Variants in RPA1 observed in about 807,000 individuals in gnomAD.
RPA1 encodes replication protein A 70 kDa DNA-binding subunit.
RPA1 carries 49 observed loss-of-function variants against 83.0 expected under a neutral mutation model. The observed-to-expected ratio is 0.59, with a 90% CI of 0.47 to 0.75. RPA1 has a LOEUF of 0.75. Among genes scored for constraint, RPA1 ranks in the 30% least tolerant of loss-of-function variants. The pLI, the probability that RPA1 is intolerant of heterozygous loss-of-function variation, is 0.00. For synonymous variants in RPA1, 279 were observed against 281.8 expected (o/e 0.99, Z 0.10); for missense variants, 693 against 776.1 (o/e 0.89, Z 1.27).
chr17:1,832,794 G>A (rs2151264604), intron 1 of RPA1, among the ~76,000 whole-genome samples: 1 of 152,344 alleles, frequency 6.6e-6, no homozygotes, highest in South Asian at 2.1e-4. Context: ...AGGATGGAGT[G>A]AGTTATTAAA....
intron 4 of RPA1, among the ~76,000 whole-genome samples, chr17:1,846,311 C>CTTTTTTT (rs71150823): frequency 6.1e-4 from 46 of 75,782 alleles, no homozygotes; most frequent in Non-Finnish European, 8.0e-4. Flanking sequence ...GGAAGCTTTG[C>CTTTTTTT]TTTTTTTTTT....
chr17:1,886,818 A>G (rs539944619), intron 13 of RPA1, among the ~76,000 whole-genome samples: 1 of 150,738 alleles, frequency 6.6e-6, no homozygotes, highest in East Asian at 2.0e-4. Context: ...ACAGGTGCAC[A>G]CCACCGTGCC....
chr17:1,860,895 G>C (rs1439143780), intron 5 of RPA1, among the ~76,000 whole-genome samples: 1 of 152,170 alleles, frequency 6.6e-6, no homozygotes, highest in Non-Finnish European at 1.5e-5. Context: ...ATCTTTTGGT[G>C]TGTTGCTTTT....
At chr17:1,895,355 T>TTA (rs1199775982) in intron 16 of RPA1, among the ~76,000 whole-genome samples, 6 of 151,492 alleles carry the variant, frequency 4.0e-5, no homozygotes, top group Non-Finnish European at 7.4e-5. Context: ...TTTATTTTTA[T>TTA]TTTTTTTCAG....
intron 2 of RPA1, among the ~76,000 whole-genome samples, chr17:1,843,481 G>T (rs1912133761): frequency 6.6e-6 from 1 of 151,722 alleles, no homozygotes; most frequent in Non-Finnish European, 1.5e-5. Flanking sequence ...CATCACTTAC[G>T]TCTCTCTGCC....
In RPA1 at chr17:1,884,291, C is replaced by G. The variant is rs766311504; in HGVS notation, c.1374+347C>G. Among the ~76,000 whole-genome samples, 1 of 151,930 alleles carries G rather than the reference C, an allele frequency of 6.6e-6. No homozygotes were observed. Among genetic ancestry groups the G allele is most frequent in the African/African-American group, 2.4e-5 (1 of 41,292 alleles). ...CTGTGATCCTTCCTGCAAATTTAAG[C>G]GCCCACATATCAAAAAGATGTTTTT... On this transcript the variant is annotated intron_variant, in intron 13 of 16. Transcript: ENST00000254719. This position sits in a 1 kb window ranked among gnomAD's most constrained non-coding sequence, Gnocchi z 4.1.
chr17:1,845,299 A>G (rs577832398), intron 4 of RPA1, among the ~76,000 whole-genome samples: 1 of 151,274 alleles, frequency 6.6e-6, no homozygotes, highest in East Asian at 2.0e-4. Flanking sequence ...TTGTGGTGCT[A>G]AGGTGGGAGG....
chr17:1,861,656 G>C (rs1402010203), intron 5 of RPA1, among the ~76,000 whole-genome samples: 2 of 151,380 alleles, frequency 1.3e-5, no homozygotes. Flanking sequence ...GCTGCTCTTC[G>C]TTAATTTTTT....
rs17339242 is a variant in RPA1, at chr17:1,894,474, C to G, written c.1660-535C>G. Among the ~76,000 whole-genome samples, 1,118 of 152,274 alleles carry G rather than the reference C, an allele frequency of 7.3e-3. 13 individuals carry two copies. Among genetic ancestry groups the G allele is most frequent in the African/African-American group, 0.025 (1,020 of 41,558 alleles). On this transcript the variant is annotated intron_variant, in intron 15 of 16. Coordinates refer to ENST00000254719, the MANE Select transcript of RPA1 (RefSeq NM_002945.5). The stretch of plus-strand genomic sequence containing the variant: ...GAGCCACCGTGCCCAGCCTTAAAGT[C>G]TTAGAAACTTCCTAAGAGCGTTTTT...
Position 1,877,266 on chromosome 17 carries a change from C to T in RPA1, c.642C>T (p.Asn214=). ...TNKSQIRTWS[N]SRGEGKLFSL... ...AAAGTCAGATCCGTACCTGGAGCAACTCCCGAGGGGAAGGGAAGCTTTTCT... is the reference window on the plus strand; with the variant it reads ...AAAGTCAGATCCGTACCTGGAGCAATTCCCGAGGGGAAGGGAAGCTTTTCT... The change falls in exon 8 of 17, where the codon AAC becomes AAT. Residue 214 remains asparagine, a synonymous_variant. Coordinates refer to ENST00000254719, the MANE Select transcript of RPA1 (RefSeq NM_002945.5). 6.2e-7 allele frequency: 1 copy of T among 1,614,212 alleles called. No individual in the cohort carries two copies. Among genetic ancestry groups the T allele is most frequent in the Non-Finnish European group, 8.5e-7 (1 of 1,180,044 alleles).
rs1301917367 is a variant in RPA1 at position 1,899,844 on chromosome 17, C to G, written c.*2669C>G. ...GTTTGGTCTCCTTTTCTTCTTTTCA[C>G]CTGTTAGAAGGCCACTATTCCCCTA... On this transcript the variant is annotated 3_prime_UTR_variant, in exon 17 of 17. Coordinates refer to ENST00000254719, the MANE Select transcript of RPA1 (RefSeq NM_002945.5). 6.6e-6 allele frequency: 1 copy of G among 152,120 alleles called. No individual in the cohort carries two copies. Among genetic ancestry groups the G allele is most frequent in the African/African-American group, 2.4e-5 (1 of 41,412 alleles). 9.4% of individuals were successfully genotyped at this position (152,120 alleles called of 1,614,324 possible). A position where few individuals can be genotyped will look rare whatever the true frequency, so the allele number is the denominator to read the frequency against.
chr17:1,869,056 A>G (rs187021366), intron 5 of RPA1, among the ~76,000 whole-genome samples: 2 of 152,276 alleles, frequency 1.3e-5, no homozygotes, highest in Admixed American at 1.3e-4. Context: ...TATTGGATTG[A>G]CTCTTCTACA....
At chr17:1,832,291 C>T (rs1176321976) in intron 1 of RPA1, among the ~76,000 whole-genome samples, 1 of 152,078 alleles carries the variant, frequency 6.6e-6, no homozygotes, top group Non-Finnish European at 1.5e-5. Flanking sequence ...CCCACACTGG[C>T]AAACACTATC....
chr17:1,894,135 T>C (rs1914303502), intron 15 of RPA1, among the ~76,000 whole-genome samples: 1 of 150,704 alleles, frequency 6.6e-6, no homozygotes, highest in African/African-American at 2.4e-5. Context: ...TCCCAAAACA[T>C]TGGGATTATA....
At chr17:1,882,134 C>T (rs1270027096) in intron 12 of RPA1, among the ~76,000 whole-genome samples, 4 of 152,156 alleles carry the variant, frequency 2.6e-5, no homozygotes, top group Admixed American at 1.3e-4. Context: ...TGGTATTTGG[C>T]CTTTCATCTC....
At chr17:1,853,064 G>A in intron 4 of RPA1, 37 bp from the exon 5 acceptor site, 1 of 1,547,310 alleles carries the variant, frequency 6.5e-7, no homozygotes, top group Non-Finnish European at 8.9e-7. Flanking sequence ...AACAGAATTT[G>A]TTTTTCTAAC....
intron 5 of RPA1, among the ~76,000 whole-genome samples, chr17:1,857,690 C>G (rs998295328): frequency 1.4e-5 from 2 of 145,218 alleles, no homozygotes; most frequent in African/African-American, 5.1e-5. Context: ...AGCCACAGAG[C>G]TGGCATTGTT....
rs1190809448 is a variant in RPA1 at position 1,884,164 on chromosome 17, C to G, written c.1374+220C>G. On this transcript the variant is annotated intron_variant, in intron 13 of 16. Transcript: ENST00000254719. The surrounding 1 kb of genome is among the most constrained non-coding windows in gnomAD (Gnocchi z 4.1). Reference sequence around the variant, plus strand: ...CTCAGGGGACTGGAGGCAGGAGAGTCTGAAGAACTCTTAGAGTCAATTCCT... The same window carrying G: ...CTCAGGGGACTGGAGGCAGGAGAGTGTGAAGAACTCTTAGAGTCAATTCCT... Among the ~76,000 whole-genome samples, 1 of 152,182 alleles carries G rather than the reference C, an allele frequency of 6.6e-6. No homozygotes were observed. The highest frequency in any genetic ancestry group is 2.4e-5 in the African/African-American group (1 of 41,448).
At chr17:1,855,477 C>A (rs1306933640) in intron 5 of RPA1, among the ~76,000 whole-genome samples, 1 of 152,158 alleles carries the variant, frequency 6.6e-6, no homozygotes, top group African/African-American at 2.4e-5. Flanking sequence ...TGCGCTCAGC[C>A]ACGTTGATTG....
Sources: allele counts gnomAD v4.1 joint callset (sites outside exome capture counted in the v4.1 genomes callset), GRCh38; gene constraint gnomAD v4.1.1; non-coding constraint Gnocchi (gnomAD v3.1); transcripts MANE v1.5; gene names NCBI Gene and HGNC (gene_info 2026-07-23, HGNC 2026-07-21).